The following KIAA1671 variants were observed in gnomAD, a reference collection of about 807,000 sequenced individuals.
KIAA1671 encodes KIAA1671.
KIAA1671 carries 52 observed loss-of-function variants against 131.2 expected under a neutral mutation model. That is an observed-to-expected ratio of 0.40 (90% CI 0.32 to 0.50). The LOEUF is 0.50. Among genes scored for constraint, KIAA1671 ranks in the 20% least tolerant of loss-of-function variants. KIAA1671 has a pLI of 0.73. For missense variants in KIAA1671, 2,360 were observed against 2,364.2 expected (o/e 1.00, Z 0.04); for synonymous variants, 1,003 against 961.6 (o/e 1.04, Z -0.80).
At chr22:25,017,926 C>G (rs1370788226) in intron 1 of KIAA1671, among the ~76,000 whole-genome samples, 1 of 151,706 alleles carries the variant, frequency 6.6e-6, no homozygotes, top group African/African-American at 2.4e-5. Flanking sequence ...TGCTTTCCCC[C>G]ACAGAGGGTA....
intron 5 of KIAA1671, among the ~76,000 whole-genome samples, chr22:25,047,467 C>CTT (rs1198576836): frequency 2.4e-4 from 29 of 120,440 alleles, no homozygotes; most frequent in African/African-American, 3.3e-4. Flanking sequence ...GCCTCTTTTC[C>CTT]TTTTTTTTTT....
intron 6 of KIAA1671, among the ~76,000 whole-genome samples, chr22:25,117,624 C>CAG (rs1478676488): frequency 1.3e-5 from 2 of 151,404 alleles, no homozygotes; most frequent in African/African-American, 4.9e-5. Flanking sequence ...CACACACACA[C>CAG]ACACACACAC....
intron 1 of KIAA1671, among the ~76,000 whole-genome samples, chr22:24,966,794 A>C (rs1602031558): frequency 6.6e-6 from 1 of 152,074 alleles, no homozygotes; most frequent in East Asian, 1.9e-4. Flanking sequence ...CTCTACAAAA[A>C]ATTTAAAAAA....
chr22:25,037,059 G>C (rs1926641402), intron 4 of KIAA1671, among the ~76,000 whole-genome samples: 1 of 152,138 alleles, frequency 6.6e-6, no homozygotes, highest in African/African-American at 2.4e-5. Context: ...GCGGTGGCTT[G>C]TGTTTGTAAT....
chr22:24,979,542 G>C (rs1024361139), intron 1 of KIAA1671, among the ~76,000 whole-genome samples: 7 of 149,748 alleles, frequency 4.7e-5, no homozygotes, highest in African/African-American at 1.7e-4. Context: ...GTAGAGACAG[G>C]GTTTCACTGT....
At chr22:25,109,700 C>G (rs1296242731) in intron 6 of KIAA1671, among the ~76,000 whole-genome samples, 1 of 152,182 alleles carries the variant, frequency 6.6e-6, no homozygotes, top group Non-Finnish European at 1.5e-5. Context: ...ATTTAGTTAC[C>G]TCTTGATAAA....
chr22:25,136,267 A>T (rs1269396654), intron 6 of KIAA1671, among the ~76,000 whole-genome samples: 1 of 152,160 alleles, frequency 6.6e-6, no homozygotes, highest in East Asian at 1.9e-4. Context: ...TCATACAGAC[A>T]CAAACACAAT....
In KIAA1671 at chr22:24,967,671, G is replaced by A. The variant is rs181068977; in HGVS notation, c.-208+14899G>A. 1.3e-3 allele frequency among the ~76,000 whole-genome samples: 200 copies of A among 152,264 alleles called. 1 individual carries two copies. Among genetic ancestry groups the A allele is most frequent in the South Asian group, 2.3e-3 (11 of 4,822 alleles). On this transcript the variant is annotated intron_variant, in intron 1 of 12. Transcript: ENST00000358431. ...GGCCCCATTGTCCCCCAGCCTTGAA[G>A]CAAAACCGTTTCCCTTGACACACTT...
At chr22:25,189,717 G>T (rs1025767072) in intron 11 of KIAA1671, among the ~76,000 whole-genome samples, 3 of 152,194 alleles carry the variant, frequency 2.0e-5, no homozygotes, top group Admixed American at 6.5e-5. Flanking sequence ...AGGATGAATA[G>T]CTATTTGCAT....
intron 6 of KIAA1671, chr22:25,055,482 G>A (rs1474316165): frequency 6.7e-6 from 1 of 150,000 alleles, no homozygotes; most frequent in Non-Finnish European, 1.5e-5. Context: ...AGTGACTCAG[G>A]AAGCCAAGAT....
At chr22:25,171,098 AAAT>A (rs1272612454) in intron 7 of KIAA1671, among the ~76,000 whole-genome samples, 160 bp downstream of exon 7, 1 of 152,164 alleles carries the variant, frequency 6.6e-6, no homozygotes, top group Non-Finnish European at 1.5e-5. Flanking sequence ...AAGTACAAAA[AAAT>A]AATAATAAAG....
chr22:25,036,968 T>C (rs1602087124), intron 4 of KIAA1671, among the ~76,000 whole-genome samples: 1 of 152,084 alleles, frequency 6.6e-6, no homozygotes, highest in East Asian at 1.9e-4. Flanking sequence ...AACTTTGTAT[T>C]GTTTGGATTC....
At position 25,029,454 on chromosome 22, in the gene KIAA1671, C is replaced by G. The variant is rs1602080172; in HGVS notation, c.1455C>G (p.Gly485=). Reference sequence around the variant, plus strand: ...TGAGCGTTCAGGAACGGATCAGAGGCTGGACTGCCGAGAGCTCAGAGGCTA... The same window carrying G: ...TGAGCGTTCAGGAACGGATCAGAGGGTGGACTGCCGAGAGCTCAGAGGCTA... ...GVVSVQERIR[G]WTAESSEAKP... Residue 485 remains glycine, a synonymous_variant, in exon 3 of 13, where the codon GGC becomes GGG. Transcript: ENST00000358431. 1.9e-6 allele frequency: 3 copies of G among 1,551,192 alleles called. No individual in the cohort carries two copies. In the East Asian group the frequency reaches 7.3e-5, roughly 38 times the overall value.
intron 6 of KIAA1671, among the ~76,000 whole-genome samples, chr22:25,094,370 C>G (rs899950060): frequency 1.7e-4 from 26 of 152,144 alleles, no homozygotes; most frequent in African/African-American, 6.0e-4. Context: ...GGATGGAGAC[C>G]TGAAGGGCCC....
chr22:25,039,771 G>A lies in KIAA1671; in HGVS notation c.2641G>A (p.Gly881Arg). 1.3e-6 allele frequency: 2 copies of A among 1,501,832 alleles called. No homozygotes were observed. Among genetic ancestry groups the A allele is most frequent in the South Asian group, 2.6e-5 (2 of 75,710 alleles). The allele number at this position is 1,501,832 out of a possible 1,614,324, so 93.0% of individuals were successfully genotyped here. A position where few individuals can be genotyped will look rare whatever the true frequency, so the allele number is the denominator to read the frequency against. The change falls in exon 5 of 13, where the codon GGA becomes AGA. Residue 881 changes from glycine to arginine, a missense_variant. This residue lies in a region of KIAA1671 where 1,161 missense variants were observed against 1,204.7 expected (regional missense o/e 0.96). Coordinates refer to ENST00000358431, the MANE Select transcript of KIAA1671 (RefSeq NM_001145206.2). ...AGTGGGAGCAAGGGGCCCACCCCAG[G>A]GATGCCCCCTCGATCCTCTTTCCAG... ...PGVGARGPPQ[G>R]CPLDPLSRAT...
chr22:25,177,242 T>G, intron 8 of KIAA1671, 106 bp from the exon 9 acceptor site: 1 of 1,087,984 alleles, frequency 9.2e-7, no homozygotes, highest in Non-Finnish European at 1.3e-6. Flanking sequence ...ACCACCTAAA[T>G]AGCCTCTCAT....
chr22:25,143,687 C>T (rs1030972789), intron 6 of KIAA1671, among the ~76,000 whole-genome samples: 1 of 152,182 alleles, frequency 6.6e-6, no homozygotes, highest in African/African-American at 2.4e-5. Context: ...CCCATTTTCC[C>T]TGCAGATGAC....
At position 25,062,593 on chromosome 22, in the gene KIAA1671, C is replaced by T. The variant is rs563619381; in HGVS notation, c.4530+13229C>T. 3.7e-4 allele frequency: 56 copies of T among 152,462 alleles called. 1 individual carries two copies. The South Asian group carries it at 9.8e-3, about 27-fold the overall frequency. 9.4% of individuals were successfully genotyped at this position (152,462 alleles called of 1,614,324 possible). On this transcript the variant is annotated intron_variant, in intron 6 of 12. Transcript: ENST00000358431. ...TGTGTCTGGCTCCTTTCACGCAGCA[C>T]GGCATTTTTTTTACGCATCTGCGTT...
chr22:25,138,188 T>A (rs1423574513), intron 6 of KIAA1671, among the ~76,000 whole-genome samples: 3 of 152,220 alleles, frequency 2.0e-5, no homozygotes, highest in Admixed American at 2.0e-4. Flanking sequence ...TGTGTCTGTG[T>A]TCCATGTCAT....
Sources: gnomAD v4.1 joint callset for allele counts (sites outside exome capture counted in the v4.1 genomes callset) on GRCh38, gnomAD v4.1.1 for gene constraint, gnomAD v4.1.1 regional missense constraint, MANE v1.5 for transcripts, NCBI Gene and HGNC (gene_info 2026-07-23, HGNC 2026-07-21) for gene names.